TSC22D1: variants seen among roughly 807,000 people sequenced by gnomAD.
The protein encoded by TSC22D1 is TSC22 domain family member 1.
TSC22D1 carries 9 observed loss-of-function variants against 74.2 expected under a neutral mutation model. The ratio of observed to expected loss-of-function variants is 0.12; its 90% CI spans 0.07 to 0.21. The LOEUF (loss-of-function observed/expected upper bound fraction) is 0.21, where lower values mean the gene tolerates loss of function less well. Among genes scored for constraint, TSC22D1 ranks in the 10% least tolerant of loss-of-function variants. The probability of loss-of-function intolerance (pLI) is 1.00; values close to 1 mark genes in which losing one functional copy is unlikely to be tolerated. For synonymous variants in TSC22D1, 586 were observed against 492.5 expected, an observed-to-expected ratio of 1.19 and a Z score of -2.51; for missense variants, 1,427 against 1,304.7, an observed-to-expected ratio of 1.09 and a Z score of -1.44.
intron 1 of TSC22D1, among the ~76,000 whole-genome samples, chr13:44,563,316 C>G (rs1437882747): frequency 6.6e-6 from 1 of 152,122 alleles, no homozygotes; most frequent in Non-Finnish European, 1.5e-5. Flanking sequence ...ATTGTGGAAT[C>G]TGCTCAGCAA....
chr13:44,443,633 G>A (rs1875383668), intron 1 of TSC22D1, among the ~76,000 whole-genome samples: 1 of 152,200 alleles, frequency 6.6e-6, no homozygotes, highest in African/African-American at 2.4e-5. Context: ...AGAACCACTT[G>A]AGCCTAGCTA....
At chr13:44,456,041 A>T (rs562806058) in intron 1 of TSC22D1, among the ~76,000 whole-genome samples, 1 of 152,182 alleles carries the variant, frequency 6.6e-6, no homozygotes, top group South Asian at 2.1e-4. Context: ...ACCCAATCTT[A>T]CTCAACTGAA....
At chr13:44,447,314 A>AT (rs1332316420) in intron 1 of TSC22D1, among the ~76,000 whole-genome samples, 1 of 152,164 alleles carries the variant, frequency 6.6e-6, no homozygotes, top group Non-Finnish European at 1.5e-5. Flanking sequence ...AAAACATTTT[A>AT]AACTAAAAGA....
chr13:44,553,764 AATAATCACATAT>A (rs1882441389), intron 1 of TSC22D1, among the ~76,000 whole-genome samples: 2 of 152,372 alleles, frequency 1.3e-5, no homozygotes, highest in South Asian at 4.1e-4. Context: ...AGAACTGCTC[AATAATCACATAT>A]AATACTGTCC....
chr13:44,473,474 GAC>G (rs889272675), intron 1 of TSC22D1, among the ~76,000 whole-genome samples: 2 of 151,978 alleles, frequency 1.3e-5, no homozygotes, highest in African/African-American at 4.8e-5. Context: ...CAGCCTGGGC[GAC>G]AGAGCAAGAC....
chr13:44,494,371 G>A (rs1354891046), intron 1 of TSC22D1, among the ~76,000 whole-genome samples: 9 of 34,364 alleles, frequency 2.6e-4, no homozygotes, highest in East Asian at 2.5e-3. Flanking sequence ...CCAAGACTCC[G>A]TATCAAAAAA....
intron 1 of TSC22D1, among the ~76,000 whole-genome samples, chr13:44,494,050 G>T (rs1392251987): frequency 2.0e-5 from 3 of 151,986 alleles, no homozygotes; most frequent in Non-Finnish European, 2.9e-5. Flanking sequence ...GGGCAACACA[G>T]CACGACATCA....
chr13:44,464,980 A>C (rs763546945), intron 1 of TSC22D1, among the ~76,000 whole-genome samples: 1 of 152,158 alleles, frequency 6.6e-6, no homozygotes, highest in Non-Finnish European at 1.5e-5. Flanking sequence ...TGTTTTACTA[A>C]ACTGGTACCA....
intron 1 of TSC22D1, among the ~76,000 whole-genome samples, chr13:44,498,597 A>C (rs1351670122): frequency 2.6e-5 from 4 of 152,170 alleles, no homozygotes; most frequent in Non-Finnish European, 5.9e-5. Context: ...CTCTCAGAGC[A>C]GGGGCCATGA....
chr13:44,573,094 T>A, intron 1 of TSC22D1, 69 bp downstream of exon 1: 1 of 1,533,680 alleles, frequency 6.5e-7, no homozygotes, highest in Non-Finnish European at 8.7e-7. Context: ...ATTTTGTGCA[T>A]ACATATAGCT....
At chr13:44,538,311 C>T in intron 1 of TSC22D1, 2 of 985,248 alleles carry the variant, frequency 2.0e-6, no homozygotes, top group Non-Finnish European at 2.4e-6. Context: ...TATAATAAGC[C>T]TCAAGACCAG....
chr13:44,435,559 T>C (rs965693484), intron 2 of TSC22D1, among the ~76,000 whole-genome samples: 1 of 152,124 alleles, frequency 6.6e-6, no homozygotes, highest in Non-Finnish European at 1.5e-5. Flanking sequence ...AACAAAACTT[T>C]TTCTCTGATT....
At chr13:44,503,959 A>G (rs908012886) in intron 1 of TSC22D1, among the ~76,000 whole-genome samples, 12 of 152,114 alleles carry the variant, frequency 7.9e-5, no homozygotes, top group African/African-American at 2.9e-4. Context: ...ATTAACAATA[A>G]AAGATAAAGA....
At chr13:44,516,347 CT>C in intron 1 of TSC22D1, 1 of 467,548 alleles carries the variant, frequency 2.1e-6, no homozygotes, top group Admixed American at 2.2e-5. Context: ...GAAGAACCTG[CT>C]TTTTAAAAAC....
At chr13:44,491,591 C>A (rs1469416495) in intron 1 of TSC22D1, among the ~76,000 whole-genome samples, 1 of 150,912 alleles carries the variant, frequency 6.6e-6, no homozygotes, top group Non-Finnish European at 1.5e-5. Flanking sequence ...AGATTAGTAT[C>A]CAGAATACAT....
chr13:44,542,224 G>C (rs1215264345), intron 1 of TSC22D1, among the ~76,000 whole-genome samples: 2 of 151,940 alleles, frequency 1.3e-5, no homozygotes, highest in Non-Finnish European at 2.9e-5. Context: ...ATATAGGTGA[G>C]TGAAAATACA....
intron 1 of TSC22D1, among the ~76,000 whole-genome samples, chr13:44,446,818 G>T (rs1480779063): frequency 7.0e-6 from 1 of 143,866 alleles, no homozygotes; most frequent in Non-Finnish European, 1.5e-5. Context: ...GGAGGAAGAG[G>T]AGGAGGAAGA....
At chr13:44,514,770 G>A (rs1323896993) in intron 1 of TSC22D1, among the ~76,000 whole-genome samples, 1 of 152,124 alleles carries the variant, frequency 6.6e-6, no homozygotes, top group East Asian at 1.9e-4. Flanking sequence ...TGACGCAGGA[G>A]AATTGCTTGT....
chr13:44,574,527 G>C lies in TSC22D1; in HGVS notation c.1548C>G (p.Thr516=). The change falls in exon 1 of 3, where the codon ACC becomes ACG. Residue 516 remains threonine, a synonymous_variant. Transcript: ENST00000458659. ...TGCTACCAAAATCCATCTGTTGGAGGGTCACACCTTGGAGAGCTGGTTGTT... is the reference window on the plus strand; with the variant it reads ...TGCTACCAAAATCCATCTGTTGGAGCGTCACACCTTGGAGAGCTGGTTGTT... ...QQQQPALQGV[T]LQQMDFGSTG... 6.2e-7 allele frequency: 1 copy of C among 1,614,076 alleles called. No individual in the cohort carries two copies. The highest frequency in any genetic ancestry group is 2.2e-5 in the East Asian group (1 of 44,882).
Sources: allele counts gnomAD v4.1 joint callset (sites outside exome capture counted in the v4.1 genomes callset), GRCh38; gene constraint gnomAD v4.1.1; transcripts MANE v1.5; gene names NCBI Gene and HGNC (gene_info 2026-07-23, HGNC 2026-07-21).